Variants in ENTREP2 observed in about 807,000 individuals in gnomAD.
ENTREP2 encodes protein ENTREP2.
At chr15:29,665,462 A>C in the ENTREP2 span, among the ~76,000 whole-genome samples, 1 of 152,200 alleles carries the variant, frequency 6.6e-6, no homozygotes, top group Non-Finnish European at 1.5e-5. Flanking sequence ...GCAGACATCA[A>C]TCGCTACCAC....
chr15:29,294,373 G>A, the ENTREP2 span, among the ~76,000 whole-genome samples: 13,376 of 152,302 alleles, frequency 0.088, 670 homozygotes, highest in East Asian at 0.14. Flanking sequence ...AGATGGTGAC[G>A]AGTCTGAGGG....
chr15:29,428,370 C>T, the ENTREP2 span, among the ~76,000 whole-genome samples: 1 of 152,128 alleles, frequency 6.6e-6, no homozygotes, highest in Non-Finnish European at 1.5e-5. Context: ...CTCGCCACCA[C>T]ACACGGCTAT....
the ENTREP2 span, among the ~76,000 whole-genome samples, chr15:29,357,455 T>A: frequency 2.6e-5 from 4 of 151,292 alleles, no homozygotes; most frequent in Non-Finnish European, 5.9e-5. Context: ...TATAAATAAC[T>A]TTTATAAATT....
At chr15:29,590,074 A>G in the ENTREP2 span, among the ~76,000 whole-genome samples, 1 of 152,146 alleles carries the variant, frequency 6.6e-6, no homozygotes, top group Admixed American at 6.5e-5. Flanking sequence ...AAATGATCAG[A>G]AGATCTTATT....
chr15:29,176,904 G>C, the ENTREP2 span, among the ~76,000 whole-genome samples: 1 of 152,164 alleles, frequency 6.6e-6, no homozygotes, highest in Non-Finnish European at 1.5e-5. Flanking sequence ...CCTGTCCCCT[G>C]CTGCTGCTGG....
At chr15:29,318,784 C>G in the ENTREP2 span, among the ~76,000 whole-genome samples, 1 of 152,192 alleles carries the variant, frequency 6.6e-6, no homozygotes, top group Non-Finnish European at 1.5e-5. Context: ...ACAGAACCCA[C>G]AAGCTCTCCA....
the ENTREP2 span, among the ~76,000 whole-genome samples, chr15:29,551,978 C>T: frequency 6.6e-6 from 1 of 152,162 alleles, no homozygotes; most frequent in African/African-American, 2.4e-5. Context: ...TGCTGTGACT[C>T]CCTGCTGGAA....
chr15:29,414,018 A>G, the ENTREP2 span, among the ~76,000 whole-genome samples: 1 of 152,176 alleles, frequency 6.6e-6, no homozygotes, highest in African/African-American at 2.4e-5. Flanking sequence ...AGTGACCTAC[A>G]AAGAGACTTA....
At chr15:29,203,156 A>T in the ENTREP2 span, among the ~76,000 whole-genome samples, 2 of 152,210 alleles carry the variant, frequency 1.3e-5, no homozygotes, top group African/African-American at 4.8e-5. Flanking sequence ...TAATCCCGGT[A>T]CTTTGGGAGG....
At chr15:29,409,486 C>CG in the ENTREP2 span, among the ~76,000 whole-genome samples, 1 of 151,930 alleles carries the variant, frequency 6.6e-6, no homozygotes, top group Non-Finnish European at 1.5e-5. Context: ...CCACCACACC[C>CG]GGCTAATTTT....
chr15:29,460,656 G>GA, the ENTREP2 span, among the ~76,000 whole-genome samples: 1 of 152,022 alleles, frequency 6.6e-6, no homozygotes, highest in Non-Finnish European at 1.5e-5. Flanking sequence ...ACAACAACAA[G>GA]AAAAAACACA....
the ENTREP2 span, among the ~76,000 whole-genome samples, chr15:29,308,221 C>A: frequency 1.1e-4 from 16 of 152,150 alleles, no homozygotes; most frequent in Admixed American, 2.6e-4. Context: ...ACTAAAAATA[C>A]AAAAATTAGC....
the ENTREP2 span, among the ~76,000 whole-genome samples, chr15:29,563,518 T>C: frequency 1.3e-5 from 2 of 152,226 alleles, no homozygotes; most frequent in Non-Finnish European, 2.9e-5. Flanking sequence ...CATCTAGCCA[T>C]ATCTTTTGTA....
At chr15:29,542,115 TCTC>T in the ENTREP2 span, among the ~76,000 whole-genome samples, 4 of 152,168 alleles carry the variant, frequency 2.6e-5, no homozygotes, top group Non-Finnish European at 4.4e-5. Context: ...TTCAAGCAAT[TCTC>T]CTGCCTCATT....
chr15:29,191,839 G>A, the ENTREP2 span, among the ~76,000 whole-genome samples: 623 of 152,256 alleles, frequency 4.1e-3, 2 homozygotes, highest in African/African-American at 0.014. Flanking sequence ...TCTTGGGCCC[G>A]GGAGTTTGAG....
the ENTREP2 span, among the ~76,000 whole-genome samples, chr15:29,295,062 G>C: frequency 3.6e-3 from 542 of 152,352 alleles, 11 homozygotes; most frequent in African/African-American, 0.011. Flanking sequence ...CAGGGTGACA[G>C]GGGTCAGTTC....
chr15:29,576,399 G>T, the ENTREP2 span, among the ~76,000 whole-genome samples: 1 of 152,188 alleles, frequency 6.6e-6, no homozygotes, highest in Admixed American at 6.5e-5. Flanking sequence ...CATAAACCGT[G>T]ACCTTGGCTC....
chr15:29,553,764 C>T, the ENTREP2 span, among the ~76,000 whole-genome samples: 12 of 152,290 alleles, frequency 7.9e-5, no homozygotes, highest in East Asian at 2.3e-3. Flanking sequence ...GGCTGAGGCC[C>T]CAGCTGCCAG....
At chr15:29,430,549 G>A in the ENTREP2 span, among the ~76,000 whole-genome samples, 1 of 152,140 alleles carries the variant, frequency 6.6e-6, no homozygotes, top group South Asian at 2.1e-4. Context: ...GGGAGGCTAA[G>A]GCAGGAGAAT....
Sources: gnomAD v4.1 joint callset for allele counts (sites outside exome capture counted in the v4.1 genomes callset) on GRCh38, gnomAD v4.1.1 for gene constraint, MANE v1.5 for transcripts, NCBI Gene and HGNC (gene_info 2026-07-23, HGNC 2026-07-21) for gene names.